The following TTLL10 variants were observed in gnomAD, a reference collection of about 807,000 sequenced individuals.
The protein encoded by TTLL10 is tubulin tyrosine ligase like 10, also known as inactive polyglycylase TTLL10.
Under a neutral mutation model 69.0 loss-of-function variants are expected in TTLL10, and 61 were observed. The observed-to-expected ratio is 0.88, with a 90% CI of 0.72 to 1.09. TTLL10 has a LOEUF of 1.09. Ranked by LOEUF, TTLL10 falls within the 50% of genes least tolerant of loss-of-function variation. The pLI is 0.00. For missense variants in TTLL10, 962 were observed against 945.9 expected (o/e 1.02, Z -0.22); for synonymous variants, 408 against 393.3 (o/e 1.04, Z -0.44).
At chr1:1,184,177 G>T in intron 12 of TTLL10, 86 bp downstream of exon 12, 1 of 1,562,470 alleles carries the variant, frequency 6.4e-7, no homozygotes, top group Non-Finnish European at 8.7e-7. Context: ...TGCAGAGGGG[G>T]TGCAGCTACA....
intron 3 of TTLL10, among the ~76,000 whole-genome samples, chr1:1,176,730 C>T (rs915680472): frequency 4.6e-5 from 7 of 152,344 alleles, no homozygotes; most frequent in South Asian, 2.1e-4. Flanking sequence ...CCTCCCCTCT[C>T]GCCTGGGGCT....
chr1:1,182,368 A>C lies in TTLL10; in HGVS notation c.838A>C (p.Arg280=). 1 of 1,613,826 alleles carries C rather than the reference A, an allele frequency of 6.2e-7. No homozygotes were observed. Among genetic ancestry groups the C allele is most frequent in the Non-Finnish European group, 8.5e-7 (1 of 1,179,874 alleles). ...PGYLRPQRVL[R]MEEFFPETYR... ...TGCCTCCCTGCCCTGCAGGGTCCTG[A>C]GAATGGAAGAGTTTTTCCCAGAGAC... Residue 280 remains arginine, a synonymous_variant, in exon 10 of 16, where the codon AGA becomes CGA. Transcript: ENST00000379289.
intron 3 of TTLL10, chr1:1,176,490 G>A (rs75219155): frequency 0.021 from 9,175 of 439,086 alleles, 152 homozygotes; most frequent in Non-Finnish European, 0.029. Flanking sequence ...CAGGCTTCCC[G>A]GAGGGACGGA....
At chr1:1,177,619 G>C (rs146672431) in intron 3 of TTLL10, among the ~76,000 whole-genome samples, 102 of 152,340 alleles carry the variant, frequency 6.7e-4, no homozygotes, top group African/African-American at 2.4e-3. Flanking sequence ...CTGTCCTTGT[G>C]TCACTCTTCT....
At chr1:1,196,532 C>T (rs561445264) in intron 13 of TTLL10, 68 bp from the exon 14 acceptor site, 2 of 1,187,128 alleles carry the variant, frequency 1.7e-6, no homozygotes, top group South Asian at 1.3e-5. Context: ...GTGGCTGTGG[C>T]TGTTCAGACC....
At chr1:1,193,485 C>T (rs1175582677) in intron 13 of TTLL10, among the ~76,000 whole-genome samples, 10 of 147,636 alleles carry the variant, frequency 6.8e-5, no homozygotes, top group Admixed American at 4.7e-4. Context: ...TTTTTTGAAA[C>T]GGAGTTTCGC....
At position 1,182,400 on chromosome 1, in the gene TTLL10, C is replaced by A; in HGVS notation, c.870C>A (p.Arg290=). The change falls in exon 10 of 16, where the codon CGC becomes CGA. Residue 290 remains arginine, a synonymous_variant. Coordinates refer to ENST00000379289, the MANE Select transcript of TTLL10 (RefSeq NM_001130045.2). Reference sequence around the variant, plus strand: ...AAGAGTTTTTCCCAGAGACCTACCGCCTGGACCTCAAACACGAGAGAGAGG... The same window carrying A: ...AAGAGTTTTTCCCAGAGACCTACCGACTGGACCTCAAACACGAGAGAGAGG... The part of the protein sequence containing the change: ...RMEEFFPETY[R]LDLKHEREAF... 1 of 1,613,984 alleles carries A rather than the reference C, an allele frequency of 6.2e-7. No individual in the cohort carries two copies. Among genetic ancestry groups the A allele is most frequent in the Non-Finnish European group, 8.5e-7 (1 of 1,179,960 alleles).
At chr1:1,178,273 A>G (rs1307514447) in intron 3 of TTLL10, among the ~76,000 whole-genome samples, 1 of 151,964 alleles carries the variant, frequency 6.6e-6, no homozygotes, top group African/African-American at 2.4e-5. Flanking sequence ...GAAAGCCCTC[A>G]CCTAAGCCGG....
rs373899354 is a variant in TTLL10 at position 1,175,121 on chromosome 1, A to T, written c.-28+632A>T. On this transcript the variant is annotated intron_variant, in intron 3 of 15. Transcript: ENST00000379289. ...ACAGAGTGAGACTTCGTCTAAAAAA[A>T]TTAAAAAAAAAAACACCTTTAATTT... 4.0e-3 allele frequency: 635 copies of T among 157,526 alleles called. 2 individuals are homozygous for T. The highest frequency in any genetic ancestry group is 6.2e-3 in the Non-Finnish European group (444 of 71,042). 9.8% of individuals were successfully genotyped at this position (157,526 alleles called of 1,614,324 possible). A position where few individuals can be genotyped will look rare whatever the true frequency, so the allele number is the denominator to read the frequency against.
Position 1,179,712 on chromosome 1 carries a change from C to G in TTLL10, c.174C>G (p.Cys58Trp), listed in dbSNP as rs1646983984. 1 of 1,550,254 alleles carries G rather than the reference C, an allele frequency of 6.5e-7. No individual in the cohort carries two copies. Among genetic ancestry groups the G allele is most frequent in the Non-Finnish European group, 8.7e-7 (1 of 1,146,692 alleles). ...CACCGGCCTCACAGCCCGGCCCCTG[C>G]CCTGCACCAGGCCACTGCCCTGTTG... Reference protein sequence around the residue: ...HPAPASQPGPCPAPGHCPVGP... With the variant: ...HPAPASQPGPWPAPGHCPVGP... Residue 58 changes from cysteine to tryptophan, a missense_variant, in exon 5 of 16, where the codon TGC (cysteine) becomes TGG (tryptophan). Cys to Trp is a radical substitution (Grantham distance 215, BLOSUM62 -2). Coordinates refer to ENST00000379289, the MANE Select transcript of TTLL10 (RefSeq NM_001130045.2).
At chr1:1,193,994 A>C (rs910201201) in intron 13 of TTLL10, among the ~76,000 whole-genome samples, 1 of 152,022 alleles carries the variant, frequency 6.6e-6, no homozygotes, top group Non-Finnish European at 1.5e-5. Context: ...CCCATCTCTA[A>C]AAAACAAAAT....
chr1:1,183,213 G>A (rs1434017365), intron 11 of TTLL10, among the ~76,000 whole-genome samples, 166 bp downstream of exon 11: 1 of 152,204 alleles, frequency 6.6e-6, no homozygotes, highest in Non-Finnish European at 1.5e-5. Flanking sequence ...CAGAGGGGAG[G>A]GGTCACACCA....
chr1:1,178,712 G>A lies in TTLL10; in HGVS notation c.-27-477G>A, dbSNP rs60736344. The stretch of plus-strand genomic sequence containing the variant: ...TGCTGGAGACAGTGTCCTGGGGGTC[G>A]GGCCTGGCACCCAGGGGCGGCCGCA... On this transcript the variant is annotated intron_variant, in intron 3 of 15. Transcript: ENST00000379289. Among the ~76,000 whole-genome samples the A allele has an allele frequency of 2.7e-3, 418 of 152,240 alleles. 3 individuals carry two copies. Among genetic ancestry groups the A allele is most frequent in the African/African-American group, 9.4e-3 (389 of 41,526 alleles).
intron 3 of TTLL10, among the ~76,000 whole-genome samples, chr1:1,177,076 GTGTC>G (rs1437591642): frequency 6.6e-6 from 1 of 151,412 alleles, no homozygotes; most frequent in Admixed American, 6.6e-5. Flanking sequence ...GTGTGTGTGG[GTGTC>G]TGTGTGTGTG....
At chr1:1,196,565 G>A (rs953766019) in intron 13 of TTLL10, 35 bp from the exon 14 acceptor site, 3 of 1,503,054 alleles carry the variant, frequency 2.0e-6, no homozygotes, top group Non-Finnish European at 2.7e-6. Context: ...AGGGCCTACG[G>A]GCCGCAGCCA....
chr1:1,176,295 C>T (rs766521265), intron 3 of TTLL10: 98 of 444,388 alleles, frequency 2.2e-4, no homozygotes, highest in Middle Eastern at 5.7e-4. Flanking sequence ...GAGGCTGCTG[C>T]TCCCAGCCGC....
At position 1,197,856 on chromosome 1, in the gene TTLL10, A is replaced by ACCCGCGCCCAGCGC. The variant is rs1165369055; in HGVS notation, c.*19_*32dup. 2.4e-5 allele frequency: 35 copies of ACCCGCGCCCAGCGC among 1,436,780 alleles called. No individual in the cohort carries two copies. Among genetic ancestry groups the ACCCGCGCCCAGCGC allele is most frequent in the East Asian group, 1.4e-4 (5 of 35,332 alleles). The allele number at this position is 1,436,780 out of a possible 1,614,324, so 89.0% of individuals were successfully genotyped here. A position where few individuals can be genotyped will look rare whatever the true frequency, so the allele number is the denominator to read the frequency against. On this transcript the variant is annotated 3_prime_UTR_variant, in exon 16 of 16. Coordinates refer to ENST00000379289, the MANE Select transcript of TTLL10 (RefSeq NM_001130045.2). ...AGAACGCGAGGCCCTAGGGGCAGCC[A>ACCCGCGCCCAGCGC]CCCGCGCCCAGCGCCCCGCGCCCCG...
chr1:1,178,143 C>A (rs1646930633), intron 3 of TTLL10, among the ~76,000 whole-genome samples: 1 of 152,168 alleles, frequency 6.6e-6, no homozygotes, highest in Non-Finnish European at 1.5e-5. Flanking sequence ...GTGCCGAGCT[C>A]TGTGCCCAGC....
chr1:1,185,212 C>T lies in TTLL10; in HGVS notation c.1401+103C>T, dbSNP rs573255627. ...CACAGATGTCCGTGGCGTGCGTGGG[C>T]GGCTGCGCTGAAGTGTGACCTGACC... On this transcript the variant is annotated intron_variant, in intron 13 of 15. Coordinates refer to ENST00000379289, the MANE Select transcript of TTLL10 (RefSeq NM_001130045.2). This position sits in a 1 kb window ranked among gnomAD's most constrained non-coding sequence, Gnocchi z 6.1. 5.1e-4 allele frequency: 784 copies of T among 1,534,720 alleles called. 3 individuals carry two copies. The highest frequency in any genetic ancestry group is 8.3e-4 in the South Asian group (66 of 79,786).
Sources: allele counts gnomAD v4.1 joint callset (sites outside exome capture counted in the v4.1 genomes callset), GRCh38; gene constraint gnomAD v4.1.1; non-coding constraint Gnocchi (gnomAD v3.1); transcripts MANE v1.5; gene names NCBI Gene and HGNC (gene_info 2026-07-23, HGNC 2026-07-21).